CFAP92: variants seen among roughly 807,000 people sequenced by gnomAD.
CFAP92 encodes cilia and flagella associated protein 92 (putative).
CFAP92 carries 86 observed loss-of-function variants against 106.3 expected under a neutral mutation model. The observed-to-expected ratio is 0.81, with a 90% confidence interval of 0.68 to 0.97. The LOEUF is 0.97. Ranked by LOEUF, CFAP92 falls within the 50% of genes least tolerant of loss-of-function variation. CFAP92 has a pLI of 0.00. For synonymous variants in CFAP92, 477 were observed against 506.4 expected (o/e 0.94, Z 0.78); for missense variants, 1,204 against 1,283.8 (o/e 0.94, Z 0.95).
chr3:128,969,687 CG>C (rs1942639433), intron 8 of CFAP92: 1 of 152,162 alleles, frequency 6.6e-6, no homozygotes, highest in South Asian at 2.1e-4. Flanking sequence ...AAATCCAAAG[CG>C]GGGCAGGTCC....
At position 128,935,254 on chromosome 3, in the gene CFAP92, C is replaced by T. The variant is rs757526566; in HGVS notation, c.2324G>A (p.Arg775Gln). 97 of 1,535,818 alleles carry T rather than the reference C, an allele frequency of 6.3e-5. No homozygotes were observed. Among genetic ancestry groups the T allele is most frequent in the Non-Finnish European group, 8.0e-5 (92 of 1,146,784 alleles). Reference protein sequence around the residue: ...LYNSQLLFRSRLYGDLEAILY... With the variant: ...LYNSQLLFRSQLYGDLEAILY... ...GATGGCCTCCAGGTCCCCATAGAGCCGGCTGCGGAACAGCAGCTGTGAGTT... is the reference window on the plus strand; with the variant it reads ...GATGGCCTCCAGGTCCCCATAGAGCTGGCTGCGGAACAGCAGCTGTGAGTT... Residue 775 changes from arginine (R) to glutamine (Q), a missense_variant, in exon 11 of 16, where the codon CGG becomes CAG. By Grantham distance (43) the Arg-to-Gln change is conservative (BLOSUM62 1). Transcript: ENST00000645291.
intron 9 of CFAP92, among the ~76,000 whole-genome samples, chr3:128,949,260 C>T (rs930184193): frequency 2.6e-5 from 4 of 152,226 alleles, no homozygotes; most frequent in African/African-American, 9.7e-5. Context: ...CATGTGTACA[C>T]TGTTTTTAAG....
intron 9 of CFAP92, among the ~76,000 whole-genome samples, chr3:128,961,037 A>C (rs947904348): frequency 7.1e-6 from 1 of 140,820 alleles, no homozygotes; most frequent in Non-Finnish European, 1.5e-5. Context: ...CTGTGTGCTC[A>C]AGAACTTAAA....
rs1391694311 is a variant in CFAP92 at position 128,909,917 on chromosome 3, A to G, written c.*382T>C. On this transcript the variant is annotated 3_prime_UTR_variant, in exon 16 of 16. Transcript: ENST00000645291. ...AGGTGTTATTGACTCCACTTTCTCA[A>G]GGAACACAGGAGACTAAGACAGGCA... 1 of 1,515,804 alleles carries G rather than the reference A, an allele frequency of 6.6e-7. No individual in the cohort carries two copies. Among genetic ancestry groups the G allele is most frequent in the African/African-American group, 1.4e-5 (1 of 73,532 alleles). The allele number at this position is 1,515,804 out of a possible 1,614,324, so 93.9% of individuals were successfully genotyped here.
the CFAP92 span, among the ~76,000 whole-genome samples, chr3:129,009,158 C>T: frequency 6.6e-6 from 1 of 152,206 alleles, no homozygotes; most frequent in African/African-American, 2.4e-5. Context: ...CCACTCTCCA[C>T]CTTTCTTCTC....
At chr3:128,949,834 G>A (rs1382726795) in intron 9 of CFAP92, among the ~76,000 whole-genome samples, 4 of 152,086 alleles carry the variant, frequency 2.6e-5, no homozygotes, top group Non-Finnish European at 4.4e-5. Flanking sequence ...TCACAGGCAC[G>A]TGCCACCACG....
intron 10 of CFAP92, among the ~76,000 whole-genome samples, chr3:128,936,108 G>A (rs561760265): frequency 3.5e-5 from 5 of 142,122 alleles, no homozygotes; most frequent in South Asian, 2.2e-4. Flanking sequence ...CCTGGCACTC[G>A]CGGTCTGCAC....
chr3:128,965,739 C>A (rs548520930), intron 8 of CFAP92, 44 bp from the exon 9 acceptor site: 1 of 398,188 alleles, frequency 2.5e-6, no homozygotes, highest in African/African-American at 2.1e-5. Context: ...TCCCGACACC[C>A]CCAAGACACG....
In CFAP92 at chr3:128,977,046, C is replaced by T. The variant is rs1441862232; in HGVS notation, c.829G>A (p.Glu277Lys). ...SLQGSHQAEPETSSKNSEEYE... is the reference protein window; with the variant it reads ...SLQGSHQAEPKTSSKNSEEYE... The stretch of plus-strand genomic sequence containing the variant: ...TCCTCACTGTTCTTGGAAGAAGTTT[C>T]GGGCTCTGCTTGGTGAGAACCTGAA... The change falls in exon 6 of 16, where the codon GAA (glutamate) becomes AAA (lysine). Residue 277 changes from glutamate (E) to lysine (K), a missense_variant. Coordinates refer to ENST00000645291, the MANE Select transcript of CFAP92 (RefSeq NM_001394090.1). The T allele has an allele frequency of 5.6e-6, 9 of 1,613,662 alleles. No homozygotes were observed. Among genetic ancestry groups the T allele is most frequent in the Non-Finnish European group, 7.6e-6 (9 of 1,179,786 alleles).
chr3:128,927,600 T>C (rs1260849469), intron 12 of CFAP92, among the ~76,000 whole-genome samples: 1 of 151,636 alleles, frequency 6.6e-6, no homozygotes, highest in Admixed American at 6.6e-5. Flanking sequence ...GGCGGGCGCC[T>C]GTAGTCCCAG....
intron 9 of CFAP92, among the ~76,000 whole-genome samples, chr3:128,957,166 A>C (rs1325151782): frequency 6.6e-6 from 1 of 152,188 alleles, no homozygotes; most frequent in African/African-American, 2.4e-5. Context: ...AGGAAATGAC[A>C]AAAGAAGTCT....
chr3:128,943,783 C>T (rs1233851150), intron 10 of CFAP92, among the ~76,000 whole-genome samples: 5 of 151,684 alleles, frequency 3.3e-5, no homozygotes, highest in East Asian at 3.9e-4. Flanking sequence ...GCAATCCTCC[C>T]GCCTCAGCCT....
the CFAP92 span, among the ~76,000 whole-genome samples, chr3:129,025,362 C>A: frequency 6.6e-6 from 1 of 152,038 alleles, no homozygotes; most frequent in Non-Finnish European, 1.5e-5. Context: ...AGCAGTCTCC[C>A]GGAAGCCACG....
At chr3:128,933,721 T>C (rs548024069) in intron 11 of CFAP92, among the ~76,000 whole-genome samples, 30 of 152,282 alleles carry the variant, frequency 2.0e-4, no homozygotes, top group African/African-American at 6.5e-4. Flanking sequence ...TAAAAAGTGT[T>C]CTTCTGTTTC....
At chr3:128,913,539 G>T (rs1936571769) in intron 15 of CFAP92, among the ~76,000 whole-genome samples, 3 of 152,104 alleles carry the variant, frequency 2.0e-5, no homozygotes, top group Admixed American at 6.5e-5. Context: ...TCCTTGGGTG[G>T]TCTGGAGCTC....
intron 7 of CFAP92, 133 bp downstream of exon 7, chr3:128,975,646 C>T (rs1011766876): frequency 1.3e-5 from 10 of 762,808 alleles, no homozygotes; most frequent in African/African-American, 1.3e-4. Context: ...AAAATGTATA[C>T]AGTACTCTTA....
rs1943203263 is a variant in CFAP92, at chr3:128,977,043, T to C, written c.832A>G (p.Thr278Ala). ...TATTCCTCACTGTTCTTGGAAGAAG[T>C]TTCGGGCTCTGCTTGGTGAGAACCT... ...LQGSHQAEPE[T>A]SSKNSEEYEK... Residue 278 changes from threonine to alanine, a missense_variant, in exon 6 of 16, where the codon ACT (threonine) becomes GCT (alanine). By Grantham distance (58) the Thr-to-Ala change is moderately conservative. Transcript: ENST00000645291. 1 of 1,613,852 alleles carries C rather than the reference T, an allele frequency of 6.2e-7. No individual in the cohort carries two copies. Among genetic ancestry groups the C allele is most frequent in the Non-Finnish European group, 8.5e-7 (1 of 1,179,814 alleles).
intron 9 of CFAP92, among the ~76,000 whole-genome samples, chr3:128,953,631 G>A (rs1268097698): frequency 7.7e-5 from 5 of 65,348 alleles, no homozygotes; most frequent in Admixed American, 2.0e-4. Context: ...CTCCCTCTCC[G>A]TCTCCCTCTC....
the CFAP92 span, among the ~76,000 whole-genome samples, chr3:129,020,160 A>G: frequency 1.6e-4 from 24 of 152,326 alleles, no homozygotes; most frequent in African/African-American, 5.5e-4. Flanking sequence ...GCAGAAATTT[A>G]TGCATTTATT....
Sources: gnomAD v4.1 joint callset for allele counts (sites outside exome capture counted in the v4.1 genomes callset) on GRCh38, gnomAD v4.1.1 for gene constraint, MANE v1.5 for transcripts, NCBI Gene and HGNC (gene_info 2026-07-23, HGNC 2026-07-21) for gene names.